MSI2: variants seen among roughly 807,000 people sequenced by gnomAD.
The protein encoded by MSI2 is musashi RNA binding protein 2, also known as RNA-binding protein Musashi homolog 2.
MSI2 carries 17 observed loss-of-function variants against 45.6 expected under a neutral mutation model. The ratio of observed to expected loss-of-function variants is 0.37; its 90% CI spans 0.26 to 0.56. The LOEUF (loss-of-function observed/expected upper bound fraction) is 0.56, where lower values mean the gene tolerates loss of function less well. Ranked by LOEUF, MSI2 falls within the 20% of genes least tolerant of loss-of-function variation. The pLI, the probability that MSI2 is intolerant of heterozygous loss-of-function variation, is 0.77. For missense variants in MSI2, 293 were observed against 444.2 expected, an observed-to-expected ratio of 0.66 and a Z score of 3.06; for synonymous variants, 156 against 158.2, an observed-to-expected ratio of 0.99 and a Z score of 0.11.
intron 6 of MSI2, among the ~76,000 whole-genome samples, chr17:57,465,015 T>C (rs1029508526): frequency 6.6e-6 from 1 of 152,200 alleles, no homozygotes; most frequent in Non-Finnish European, 1.5e-5. Flanking sequence ...GGAAATGCCC[T>C]CGTGTTGGGC....
At chr17:57,447,683 T>G (rs1463712124) in intron 6 of MSI2, among the ~76,000 whole-genome samples, 1 of 152,106 alleles carries the variant, frequency 6.6e-6, no homozygotes, top group Non-Finnish European at 1.5e-5. Flanking sequence ...CCTCAGAGGA[T>G]GGATCATCCC....
At chr17:57,593,417 G>A (rs1905015618) in intron 7 of MSI2, among the ~76,000 whole-genome samples, 1 of 152,120 alleles carries the variant, frequency 6.6e-6, no homozygotes, top group Non-Finnish European at 1.5e-5. Flanking sequence ...TGGAAAACCA[G>A]CTTCTTAAGA....
At position 57,370,467 on chromosome 17, in the gene MSI2, T is replaced by C. The variant is rs191289710; in HGVS notation, c.313-30912T>C. Reference sequence around the variant, plus strand: ...CTTCCAGTGTTTGACCCAAGGCTGCTGTCCCATCTGTGGCCTCTGTTGCTC... The same window carrying C: ...CTTCCAGTGTTTGACCCAAGGCTGCCGTCCCATCTGTGGCCTCTGTTGCTC... On this transcript the variant is annotated intron_variant, in intron 5 of 13. Coordinates refer to ENST00000284073, the MANE Select transcript of MSI2 (RefSeq NM_138962.4). Among the ~76,000 whole-genome samples the C allele has an allele frequency of 9.2e-5, 14 of 152,338 alleles. No homozygotes were observed. The East Asian group carries it at 2.3e-3, about 25-fold the overall frequency.
At chr17:57,331,145 C>T (rs1469450395) in intron 5 of MSI2, among the ~76,000 whole-genome samples, 1 of 152,088 alleles carries the variant, frequency 6.6e-6, no homozygotes, top group Non-Finnish European at 1.5e-5. Flanking sequence ...AACTCCTGAC[C>T]TCAGGTGATC....
chr17:57,450,353 G>A (rs1025206612), intron 6 of MSI2: 2 of 151,750 alleles, frequency 1.3e-5, no homozygotes, highest in Non-Finnish European at 2.9e-5. Context: ...AGTAATATAA[G>A]AAGTCACTTT....
At chr17:57,569,246 T>C (rs2087813831) in intron 7 of MSI2, among the ~76,000 whole-genome samples, 1 of 152,184 alleles carries the variant, frequency 6.6e-6, no homozygotes, top group Non-Finnish European at 1.5e-5. Flanking sequence ...TAGAGGGGCC[T>C]TGCCTGATAG....
chr17:57,561,923 C>G (rs560303970), intron 7 of MSI2, among the ~76,000 whole-genome samples: 1 of 152,266 alleles, frequency 6.6e-6, no homozygotes, highest in South Asian at 2.1e-4. Context: ...AGCTTTGGAG[C>G]CCAACAGGCC....
At chr17:57,292,567 A>G (rs535050950) in intron 5 of MSI2, among the ~76,000 whole-genome samples, 1 of 150,660 alleles carries the variant, frequency 6.6e-6, no homozygotes, top group Non-Finnish European at 1.5e-5. Flanking sequence ...CTTGTTAGAA[A>G]TGGAGGTTGG....
At chr17:57,434,351 C>T (rs777961887) in intron 6 of MSI2, among the ~76,000 whole-genome samples, 2 of 152,212 alleles carry the variant, frequency 1.3e-5, no homozygotes, top group African/African-American at 2.4e-5. Flanking sequence ...CTGCCCGCCT[C>T]GGCCTCCCAA....
At chr17:57,624,084 T>C (rs1908563366) in intron 9 of MSI2, among the ~76,000 whole-genome samples, 1 of 152,184 alleles carries the variant, frequency 6.6e-6, no homozygotes, top group Non-Finnish European at 1.5e-5. Context: ...GTTGAAGCCT[T>C]GTAGGAAAGC....
chr17:57,413,650 T>A (rs1441153327), intron 6 of MSI2, among the ~76,000 whole-genome samples: 3 of 152,042 alleles, frequency 2.0e-5, no homozygotes, highest in African/African-American at 7.3e-5. Flanking sequence ...TTTCAGATCC[T>A]CATTTAAGTT....
the MSI2 span, among the ~76,000 whole-genome samples, chr17:57,699,950 A>G: frequency 1.3e-5 from 2 of 152,258 alleles, no homozygotes; most frequent in Non-Finnish European, 2.9e-5. Context: ...CAGCTCAGCA[A>G]TCATCGCTGA....
upstream of MSI2, among the ~76,000 whole-genome samples, chr17:57,256,168 A>G (rs1787073086): frequency 1.3e-5 from 2 of 151,844 alleles, no homozygotes; most frequent in African/African-American, 4.8e-5. Flanking sequence ...GAGCCGCAGC[A>G]AGCTCCCCGC....
At position 57,258,307 on chromosome 17, in the gene MSI2, G is replaced by A. The variant is rs199558806; in HGVS notation, c.223G>A (p.Val75Ile). Residue 75 changes from valine (V) to isoleucine (I), a missense_variant, in exon 4 of 14, where the codon GTA (valine) becomes ATA (isoleucine). Transcript: ENST00000284073. Reference protein sequence around the residue: ...GFVTFADPASVDKVLGQPHHE... With the variant: ...GFVTFADPASIDKVLGQPHHE... ...CGTCACGTTCGCAGACCCAGCAAGT[G>A]TAGATAAAGTATTAGGTCAGCCCCA... 1.2e-6 allele frequency: 2 copies of A among 1,614,218 alleles called. No homozygotes were observed. The highest frequency in any genetic ancestry group is 1.7e-6 in the Non-Finnish European group (2 of 1,180,030).
At chr17:57,423,059 C>T (rs2084426305) in intron 6 of MSI2, among the ~76,000 whole-genome samples, 1 of 152,130 alleles carries the variant, frequency 6.6e-6, no homozygotes, top group Admixed American at 6.5e-5. Flanking sequence ...CTAGATAGGA[C>T]TCTATTCTTT....
intron 6 of MSI2, among the ~76,000 whole-genome samples, chr17:57,445,718 A>G (rs563639825): frequency 6.6e-6 from 1 of 152,272 alleles, no homozygotes; most frequent in South Asian, 2.1e-4. Flanking sequence ...AGCATATATT[A>G]ACATGCAACT....
chr17:57,380,190 G>A (rs1003303196), intron 5 of MSI2, among the ~76,000 whole-genome samples: 1 of 152,110 alleles, frequency 6.6e-6, no homozygotes, highest in Non-Finnish European at 1.5e-5. Context: ...ACGCACCCAT[G>A]TCTTTGTGGA....
intron 5 of MSI2, among the ~76,000 whole-genome samples, chr17:57,269,543 C>T (rs1054490280): frequency 6.6e-6 from 1 of 152,210 alleles, no homozygotes; most frequent in Non-Finnish European, 1.5e-5. Flanking sequence ...GCAGATGCCA[C>T]CTCTACCTTT....
At position 57,337,445 on chromosome 17, in the gene MSI2, T is replaced by A. The variant is rs189318693; in HGVS notation, c.313-63934T>A. Among the ~76,000 whole-genome samples, 12 of 152,278 alleles carry A rather than the reference T, an allele frequency of 7.9e-5. No individual in the cohort carries two copies. The East Asian group carries it at 2.3e-3, about 29-fold the overall frequency. ...ATCTGATTGTCTCTGAGACTCATTT[T>A]CTCTCCACTTTCTCGGCCTCTAGCC... is the stretch of plus-strand genomic sequence containing the variant. On this transcript the variant is annotated intron_variant, in intron 5 of 13. Coordinates refer to ENST00000284073, the MANE Select transcript of MSI2 (RefSeq NM_138962.4).
Sources: gnomAD v4.1 joint callset for allele counts (sites outside exome capture counted in the v4.1 genomes callset) on GRCh38, gnomAD v4.1.1 for gene constraint, MANE v1.5 for transcripts, NCBI Gene and HGNC (gene_info 2026-07-23, HGNC 2026-07-21) for gene names.